CNDP1: variants seen among roughly 807,000 people sequenced by gnomAD.
The protein encoded by CNDP1 is beta-Ala-His dipeptidase.
Under a neutral mutation model 58.1 loss-of-function variants are expected in CNDP1, and 44 were observed. That is an observed-to-expected ratio of 0.76 (90% CI 0.60 to 0.97). The LOEUF is 0.97. Ranked by LOEUF, CNDP1 falls within the 50% of genes least tolerant of loss-of-function variation. The pLI, the probability that CNDP1 is intolerant of heterozygous loss-of-function variation, is 0.00. For synonymous variants in CNDP1, 254 were observed against 252.6 expected, an observed-to-expected ratio of 1.01 and a Z score of -0.05; for missense variants, 616 against 655.1, an observed-to-expected ratio of 0.94 and a Z score of 0.65.
chr18:74,579,176 C>G (rs924523703), intron 9 of CNDP1, among the ~76,000 whole-genome samples: 1 of 143,386 alleles, frequency 7.0e-6, no homozygotes, highest in Admixed American at 7.1e-5. Flanking sequence ...TCTCCCTTCT[C>G]CCTTCTCCCT....
intron 1 of CNDP1, among the ~76,000 whole-genome samples, chr18:74,549,493 G>A (rs1432324957): frequency 6.6e-6 from 1 of 152,022 alleles, no homozygotes. Context: ...AATGAGCACT[G>A]GCAGTGAGCT....
intron 6 of CNDP1, among the ~76,000 whole-genome samples, chr18:74,569,786 C>T (rs2144664059): frequency 6.6e-6 from 1 of 152,294 alleles, no homozygotes; most frequent in Non-Finnish European, 1.5e-5. Flanking sequence ...GCTCAAGCTA[C>T]TCCACAAGGC....
In CNDP1 at chr18:74,567,447, G is replaced by A. The variant is rs770499606; in HGVS notation, c.756+14G>A. On this transcript the variant is annotated intron_variant, in intron 6 of 11. Coordinates refer to ENST00000358821, the MANE Select transcript of CNDP1 (RefSeq NM_032649.6). Reference sequence around the variant, plus strand: ...TTCATGGTGGAGGTATCCACAGAGAGCAGTGCATGGATGGAGGCCTGTGGG... The same window carrying A: ...TTCATGGTGGAGGTATCCACAGAGAACAGTGCATGGATGGAGGCCTGTGGG... 4.4e-6 allele frequency: 7 copies of A among 1,604,938 alleles called. No homozygotes were observed. The highest frequency in any genetic ancestry group is 5.1e-6 in the Non-Finnish European group (6 of 1,171,566).
Position 74,560,920 on chromosome 18 carries a change from C to T in CNDP1, c.368C>T (p.Thr123Met), listed in dbSNP as rs139749526. The T allele has an allele frequency of 1.6e-5, 26 of 1,614,174 alleles. No homozygotes were observed. In the African/African-American group the frequency reaches 2.4e-4, roughly 15 times the overall value. Reference sequence around the variant, plus strand: ...CTGGCCGAACTGGGGAGCGATCCCACGAAAGGCACCGTGTGCTTCTACGGC... The same window carrying T: ...CTGGCCGAACTGGGGAGCGATCCCATGAAAGGCACCGTGTGCTTCTACGGC... ...VILAELGSDP[T>M]KGTVCFYGHL... Residue 123 changes from threonine (T) to methionine (M), a missense_variant, in exon 4 of 12, where the codon ACG becomes ATG. By Grantham distance (81) the Thr-to-Met change is moderately conservative (BLOSUM62 -1). Coordinates refer to ENST00000358821, the MANE Select transcript of CNDP1 (RefSeq NM_032649.6).
chr18:74,583,774 G>C, intron 11 of CNDP1, 66 bp downstream of exon 11: 1 of 1,483,140 alleles, frequency 6.7e-7, no homozygotes, highest in Non-Finnish European at 9.4e-7. Context: ...GGGTCTACAC[G>C]TGGGTGAGCT....
rs530357446 is a variant in CNDP1 at position 74,564,717 on chromosome 18, A to G, written c.556-2516A>G. 3.6e-4 allele frequency among the ~76,000 whole-genome samples: 55 copies of G among 152,304 alleles called. 3 individuals carry two copies. The South Asian group carries it at 0.011, about 30-fold the overall frequency. On this transcript the variant is annotated intron_variant, in intron 5 of 11. Coordinates refer to ENST00000358821, the MANE Select transcript of CNDP1 (RefSeq NM_032649.6). ...TTTTCTGTAGCTGCTCCTTTCCCCA[A>G]TTCTTGATCATAGCATTAAATTGGC... is the stretch of plus-strand genomic sequence containing the variant.
At chr18:74,556,595 G>A in intron 2 of CNDP1, 129 bp downstream of exon 2, 1 of 1,017,618 alleles carries the variant, frequency 9.8e-7, no homozygotes, top group South Asian at 1.4e-5. Context: ...GCCTATGACT[G>A]CTCATTGGGT....
intron 6 of CNDP1, among the ~76,000 whole-genome samples, chr18:74,570,218 T>TAATAA (rs56019800): frequency 0.035 from 3,445 of 97,850 alleles, 109 homozygotes; most frequent in African/African-American, 0.063. Context: ...ATAATAATAA[T>TAATAA]TAATAATAAT....
rs1483894875 is a variant in CNDP1, at chr18:74,586,439, TTA to T, written c.*1878_*1879del. On this transcript the variant is annotated 3_prime_UTR_variant, in exon 12 of 12. Transcript: ENST00000358821. ...GATAAGGACTAACAGTAAGAGAGATTTAGAGTCTTCATGTTAGTCCATTAACA... is the reference window on the plus strand; with the variant it reads ...GATAAGGACTAACAGTAAGAGAGATTGAGTCTTCATGTTAGTCCATTAACA... 2.6e-5 allele frequency: 4 copies of T among 152,202 alleles called. No individual in the cohort carries two copies. Among genetic ancestry groups the T allele is most frequent in the Non-Finnish European group, 2.9e-5 (2 of 68,044 alleles). 9.4% of individuals were successfully genotyped at this position (152,202 alleles called of 1,614,324 possible). A position where few individuals can be genotyped will look rare whatever the true frequency, so the allele number is the denominator to read the frequency against.
At chr18:74,567,174 G>T in intron 5 of CNDP1, 59 bp from the exon 6 acceptor site, 1 of 1,353,212 alleles carries the variant, frequency 7.4e-7, no homozygotes, top group Non-Finnish European at 1.1e-6. Flanking sequence ...GATTTGGTGG[G>T]GACACAGCCA....
intron 4 of CNDP1, chr18:74,561,264 A>C: frequency 2.6e-6 from 1 of 386,302 alleles, no homozygotes; most frequent in Non-Finnish European, 4.7e-6. Context: ...AAAATACAAA[A>C]AAATAGCTGG....
intron 4 of CNDP1, chr18:74,561,542 A>C (rs1298190418): frequency 2.6e-5 from 4 of 156,102 alleles, no homozygotes; most frequent in African/African-American, 9.7e-5. Context: ...GAGGTTCTTG[A>C]GTTGTGAGGA....
intron 1 of CNDP1, among the ~76,000 whole-genome samples, chr18:74,537,972 C>T (rs930507876): frequency 6.6e-6 from 1 of 152,196 alleles, no homozygotes; most frequent in African/African-American, 2.4e-5. Flanking sequence ...CTGCCTTTTT[C>T]ACTAAATCCC....
chr18:74,569,037 T>C (rs1255763224), intron 6 of CNDP1, among the ~76,000 whole-genome samples: 1 of 152,030 alleles, frequency 6.6e-6, no homozygotes, highest in Non-Finnish European at 1.5e-5. Flanking sequence ...ATGTGGGACA[T>C]CTTGGAAGGG....
chr18:74,567,876 G>T lies in CNDP1; in HGVS notation c.756+443G>T, dbSNP rs867260520. Reference sequence around the variant, plus strand: ...TCACAGGGAAAGAGAAGGAACATTGGTGTCGCCCGAGGCCAGCATCTGAAT... The same window carrying T: ...TCACAGGGAAAGAGAAGGAACATTGTTGTCGCCCGAGGCCAGCATCTGAAT... On this transcript the variant is annotated intron_variant, in intron 6 of 11. Coordinates refer to ENST00000358821, the MANE Select transcript of CNDP1 (RefSeq NM_032649.6). Among the ~76,000 whole-genome samples the T allele has an allele frequency of 2.0e-5, 3 of 152,182 alleles. No homozygotes were observed. In the South Asian group the frequency reaches 6.2e-4, roughly 32 times the overall value.
intron 3 of CNDP1, among the ~76,000 whole-genome samples, 170 bp from the exon 4 acceptor site, chr18:74,560,686 A>G (rs901053565): frequency 1.3e-5 from 2 of 152,102 alleles, no homozygotes; most frequent in Non-Finnish European, 2.9e-5. Flanking sequence ...CCTGTCTCCA[A>G]AAGAAAAGAA....
intron 3 of CNDP1, among the ~76,000 whole-genome samples, chr18:74,560,095 C>T (rs765640209): frequency 1.7e-4 from 25 of 148,438 alleles, no homozygotes; most frequent in Non-Finnish European, 3.4e-4. Context: ...CTGCAACCTC[C>T]GCCTCCCAGG....
rs1981355015 is a variant in CNDP1, at chr18:74,567,346, C to T, written c.669C>T (p.Tyr223=). ...EKDRFFSGVD[Y]IVISDNLWIS... ...ACCGATTCTTCTCTGGTGTGGACTACATTGTAATTTCAGATAACCTGTGGA... is the reference window on the plus strand; with the variant it reads ...ACCGATTCTTCTCTGGTGTGGACTATATTGTAATTTCAGATAACCTGTGGA... The change falls in exon 6 of 12, where the codon TAC becomes TAT. Residue 223 remains tyrosine (Y), a synonymous_variant. Coordinates refer to ENST00000358821, the MANE Select transcript of CNDP1 (RefSeq NM_032649.6). 6.2e-7 allele frequency: 1 copy of T among 1,614,136 alleles called. No homozygotes were observed. The highest frequency in any genetic ancestry group is 8.5e-7 in the Non-Finnish European group (1 of 1,180,012).
chr18:74,548,459 A>G (rs143640318), intron 1 of CNDP1, among the ~76,000 whole-genome samples: 1 of 152,298 alleles, frequency 6.6e-6, no homozygotes, highest in African/African-American at 2.4e-5. Flanking sequence ...AGCTGAGCAG[A>G]TGCCGGCACC....
Sources: gnomAD v4.1 joint callset for allele counts (sites outside exome capture counted in the v4.1 genomes callset) on GRCh38, gnomAD v4.1.1 for gene constraint, MANE v1.5 for transcripts, NCBI Gene and HGNC (gene_info 2026-07-23, HGNC 2026-07-21) for gene names.